The following NRXN1 variants were observed in gnomAD, a reference collection of about 807,000 sequenced individuals.
The protein encoded by NRXN1 is neurexin 1.
NRXN1 carries 39 observed loss-of-function variants against 150.9 expected under a neutral mutation model. The ratio of observed to expected loss-of-function variants is 0.26; its 90% confidence interval spans 0.20 to 0.34. The LOEUF (loss-of-function observed/expected upper bound fraction) is 0.34. Ranked by LOEUF, NRXN1 falls within the 10% of genes least tolerant of loss-of-function variation. The probability of loss-of-function intolerance (pLI) is 1.00; values close to 1 mark genes in which losing one functional copy is unlikely to be tolerated. For missense variants in NRXN1, 1,815 were observed against 1,949.9 expected (o/e 0.93, Z 1.30); for synonymous variants, 924 against 757.0 (o/e 1.22, Z -3.62).
intron 5 of NRXN1, among the ~76,000 whole-genome samples, chr2:50,862,386 T>C (rs1375230246): frequency 1.3e-5 from 2 of 151,522 alleles, no homozygotes; most frequent in Admixed American, 6.6e-5. Context: ...TGTCAGGGGG[T>C]TCCTACATCT....
At chr2:49,944,578 C>G (rs1672558278) in intron 21 of NRXN1, among the ~76,000 whole-genome samples, 1 of 152,104 alleles carries the variant, frequency 6.6e-6, no homozygotes, top group South Asian at 2.1e-4. Context: ...GTCCATAAAT[C>G]CTAGCAGTTA....
chr2:50,898,620 G>A (rs1471674162), intron 5 of NRXN1: 1 of 473,136 alleles, frequency 2.1e-6, no homozygotes, highest in Non-Finnish European at 4.2e-6. Context: ...ATTCTATGAG[G>A]TTATCATTCA....
At chr2:50,645,039 A>G (rs1010736020) in intron 5 of NRXN1, among the ~76,000 whole-genome samples, 1 of 151,896 alleles carries the variant, frequency 6.6e-6, no homozygotes, top group African/African-American at 2.4e-5. Context: ...AAGAATTTCA[A>G]ACTTTCTGAA....
At chr2:50,355,045 T>C (rs951681172) in intron 17 of NRXN1, among the ~76,000 whole-genome samples, 5 of 152,170 alleles carry the variant, frequency 3.3e-5, no homozygotes, top group South Asian at 2.1e-4. Flanking sequence ...AGAAATCATG[T>C]ACCATATGTT....
intron 5 of NRXN1, among the ~76,000 whole-genome samples, chr2:50,755,925 G>A (rs559546066): frequency 3.3e-5 from 5 of 151,850 alleles, no homozygotes; most frequent in South Asian, 2.1e-4. Flanking sequence ...CAGTGAAATC[G>A]GGATAATGTG....
chr2:50,055,140 A>AT, intron 19 of NRXN1, 96 bp from the exon 20 acceptor site: 1 of 760,358 alleles, frequency 1.3e-6, no homozygotes, highest in Non-Finnish European at 2.0e-6. Context: ...TTGCCACATG[A>AT]TTTTTTGAAA....
At chr2:50,975,437 C>G (rs79407911) in intron 2 of NRXN1, among the ~76,000 whole-genome samples, 1 of 151,994 alleles carries the variant, frequency 6.6e-6, no homozygotes, top group African/African-American at 2.4e-5. Context: ...CTTTTCTATT[C>G]TCTGCAAGGC....
At chr2:50,975,392 T>C (rs368805231) in intron 2 of NRXN1, among the ~76,000 whole-genome samples, 8 of 152,094 alleles carry the variant, frequency 5.3e-5, no homozygotes, top group Admixed American at 6.6e-5. Context: ...AATGGAATCA[T>C]TGCATACATA....
intron 5 of NRXN1, among the ~76,000 whole-genome samples, chr2:50,874,387 G>A (rs987069124): frequency 6.6e-6 from 1 of 151,700 alleles, no homozygotes; most frequent in African/African-American, 2.4e-5. Context: ...GTTTTAAAAT[G>A]GGCATTTTTC....
rs546337955 is a variant in NRXN1, at chr2:50,559,630, C to G, written c.1321-6605G>C. Among the ~76,000 whole-genome samples the G allele has an allele frequency of 1.6e-3, 239 of 152,246 alleles. 2 individuals are homozygous for G. Among genetic ancestry groups the G allele is most frequent in the African/African-American group, 5.4e-3 (224 of 41,552 alleles). On this transcript the variant is annotated intron_variant, in intron 8 of 22. Coordinates refer to ENST00000401669, the MANE Select transcript of NRXN1 (RefSeq NM_001330078.2). Reference sequence around the variant, plus strand: ...ATACACATAGACACACACCTACACACAACCAGAGTTTAAACATTACCCAGA... The same window carrying G: ...ATACACATAGACACACACCTACACAGAACCAGAGTTTAAACATTACCCAGA...
chr2:50,294,393 A>T (rs985148041), intron 17 of NRXN1, among the ~76,000 whole-genome samples: 1 of 152,242 alleles, frequency 6.6e-6, no homozygotes, highest in Non-Finnish European at 1.5e-5. Context: ...ACATTTATAG[A>T]TTTATGATAC....
chr2:49,922,351 A>C, intron 22 of NRXN1, 100 bp from the exon 23 acceptor site: 1 of 1,196,008 alleles, frequency 8.4e-7, no homozygotes, highest in Non-Finnish European at 1.2e-6. Context: ...AACAGCACCT[A>C]TGCTTTAGGA....
At chr2:50,378,213 G>A (rs1008528750) in intron 17 of NRXN1, among the ~76,000 whole-genome samples, 1 of 151,990 alleles carries the variant, frequency 6.6e-6, no homozygotes, top group Non-Finnish European at 1.5e-5. Context: ...CATTTTTTGG[G>A]GTGATTTTCA....
chr2:50,315,904 A>G (rs2075566384), intron 17 of NRXN1, among the ~76,000 whole-genome samples: 1 of 152,106 alleles, frequency 6.6e-6, no homozygotes, highest in Admixed American at 6.6e-5. Context: ...ATGGTAAGAC[A>G]GAAGAATAAA....
chr2:50,560,005 G>A (rs1293566845), intron 8 of NRXN1, among the ~76,000 whole-genome samples: 1 of 152,144 alleles, frequency 6.6e-6, no homozygotes, highest in Non-Finnish European at 1.5e-5. Context: ...TAAATGAAAG[G>A]AGAAAATTAG....
At chr2:50,404,880 A>G (rs1558673067) in intron 17 of NRXN1, among the ~76,000 whole-genome samples, 1 of 152,012 alleles carries the variant, frequency 6.6e-6, no homozygotes, top group East Asian at 1.9e-4. Context: ...AGGGTTTCCA[A>G]TCTGTTCCTT....
chr2:50,365,193 CTA>C (rs1400943492), intron 17 of NRXN1, among the ~76,000 whole-genome samples: 3 of 151,684 alleles, frequency 2.0e-5, no homozygotes, highest in Non-Finnish European at 4.4e-5. Context: ...AAATTGAAAA[CTA>C]TGTAAATTTC....
chr2:50,303,836 A>G (rs754908108), intron 17 of NRXN1, among the ~76,000 whole-genome samples: 3 of 152,148 alleles, frequency 2.0e-5, no homozygotes, highest in Non-Finnish European at 2.9e-5. Context: ...TACATAGTTC[A>G]GCATAATTAA....
At chr2:50,618,699 T>C (rs1679446024) in intron 8 of NRXN1, among the ~76,000 whole-genome samples, 1 of 151,606 alleles carries the variant, frequency 6.6e-6, no homozygotes, top group South Asian at 2.1e-4. Flanking sequence ...TCTACCTATT[T>C]TGTGAGGATT....
Sources: allele counts gnomAD v4.1 joint callset (sites outside exome capture counted in the v4.1 genomes callset), GRCh38; gene constraint gnomAD v4.1.1; transcripts MANE v1.5; gene names NCBI Gene and HGNC (gene_info 2026-07-23, HGNC 2026-07-21).